The following WARS1 variants were observed in gnomAD, a reference collection of about 807,000 sequenced individuals.
WARS1 encodes the protein tryptophanyl-tRNA synthetase 1.
In WARS1, 17 loss-of-function variants were observed where a neutral mutation model predicts 47.8. The ratio of observed to expected loss-of-function variants is 0.36; its 90% confidence interval spans 0.24 to 0.53. The LOEUF (loss-of-function observed/expected upper bound fraction) is 0.53, where lower values mean the gene tolerates loss of function less well. Among genes scored for constraint, WARS1 ranks in the 20% least tolerant of loss-of-function variants. The pLI, the probability that WARS1 is intolerant of heterozygous loss-of-function variation, is 0.91. For missense variants in WARS1, 434 were observed against 608.0 expected, an observed-to-expected ratio of 0.71 and a Z score of 3.01; for synonymous variants, 208 against 228.1, an observed-to-expected ratio of 0.91 and a Z score of 0.79.
At chr14:100,360,376 T>C (rs1895584217) in intron 4 of WARS1, 178 bp downstream of exon 4, 1 of 426,634 alleles carries the variant, frequency 2.3e-6, no homozygotes, top group Admixed American at 4.1e-5. Flanking sequence ...CTGAGGGTGA[T>C]GGACAAGCAT....
chr14:100,353,488 C>T (rs1038165044), intron 6 of WARS1, among the ~76,000 whole-genome samples, 199 bp downstream of exon 6: 6 of 152,080 alleles, frequency 3.9e-5, no homozygotes, highest in Admixed American at 3.9e-4. Context: ...GACCTCGTGA[C>T]CCGCCCACCT....
At chr14:100,369,908 CTCACTTCAGCCTCCCGAAAG>C (rs3838956) in intron 1 of WARS1, among the ~76,000 whole-genome samples, 104,550 of 151,620 alleles carry the variant, frequency 0.69, 37,230 homozygotes, top group Admixed American at 0.81. Flanking sequence ...AGGTGATCCT[CTCACTTCAGCCTCCCGAAAG>C]TGTTGGGATT....
At chr14:100,370,658 T>TAA (rs1250826523) in intron 1 of WARS1, 159 of 152,274 alleles carry the variant, frequency 1.0e-3, no homozygotes, top group African/African-American at 3.6e-3. Context: ...GAAATAGATT[T>TAA]GTAATCTCCA....
intron 10 of WARS1, among the ~76,000 whole-genome samples, chr14:100,335,981 G>T (rs1266753578): frequency 2.0e-5 from 3 of 150,704 alleles, no homozygotes; most frequent in Non-Finnish European, 2.9e-5. Context: ...TTTTTTAAAA[G>T]AAATGAGGGT....
chr14:100,340,960 G>T (rs1894125207), intron 9 of WARS1, among the ~76,000 whole-genome samples: 1 of 150,374 alleles, frequency 6.7e-6, no homozygotes, highest in Non-Finnish European at 1.5e-5. Flanking sequence ...TGTTGCCCAG[G>T]CTGGAGAACA....
intron 9 of WARS1, chr14:100,339,717 G>A (rs1408395500): frequency 1.3e-5 from 2 of 152,078 alleles, no homozygotes; most frequent in African/African-American, 4.8e-5. Context: ...GCCTGATAGA[G>A]TCACTGCTAT....
chr14:100,353,830 C>G lies in WARS1; in HGVS notation c.582G>C (p.Gln194His). Residue 194 changes from glutamine (Q) to histidine (H), a missense_variant, in exon 6 of 11, where the codon CAG becomes CAC. Physicochemically the swap from Gln to His is conservative, Grantham distance 24. This residue lies in a region of WARS1 where 347 missense variants were observed against 523.8 expected (regional missense o/e 0.66). Transcript: ENST00000392882. ...QDVFNVPLVI[Q>H]MTDDEKYLWK... Reference sequence around the variant, plus strand: ...ACAGATACTTCTCGTCATCCGTCATCTGGATGACCAAGGGCACGTTAAATA... The same window carrying G: ...ACAGATACTTCTCGTCATCCGTCATGTGGATGACCAAGGGCACGTTAAATA... 6.2e-7 allele frequency: 1 copy of G among 1,614,162 alleles called. No individual in the cohort carries two copies. Among genetic ancestry groups the G allele is most frequent in the Non-Finnish European group, 8.5e-7 (1 of 1,180,020 alleles).
chr14:100,344,611 C>T (rs1008785103), intron 7 of WARS1, among the ~76,000 whole-genome samples: 33 of 149,972 alleles, frequency 2.2e-4, no homozygotes, highest in African/African-American at 7.1e-4. Context: ...CGTCTCTGCC[C>T]GGCCGCCATC....
At chr14:100,359,779 G>A (rs1000553719) in intron 4 of WARS1, among the ~76,000 whole-genome samples, 2 of 152,202 alleles carry the variant, frequency 1.3e-5, no homozygotes, top group Non-Finnish European at 2.9e-5. Flanking sequence ...AAAAAAATAA[G>A]TTTTATAGTA....
chr14:100,341,095 A>G (rs1275167777), intron 9 of WARS1, among the ~76,000 whole-genome samples: 1 of 151,774 alleles, frequency 6.6e-6, no homozygotes, highest in Non-Finnish European at 1.5e-5. Context: ...TTGTATTTTT[A>G]GTAGAGACAG....
chr14:100,354,638 A>G, intron 4 of WARS1, 72 bp from the exon 5 acceptor site: 1 of 1,517,768 alleles, frequency 6.6e-7, no homozygotes, highest in Non-Finnish European at 8.9e-7. Flanking sequence ...GCACTTTTGG[A>G]AATGGAAAAT....
intron 2 of WARS1, chr14:100,366,197 C>G: frequency 6.9e-6 from 3 of 435,570 alleles, no homozygotes; most frequent in South Asian, 4.9e-5. Flanking sequence ...CACAGCCCAG[C>G]CCTTCTCTCC....
chr14:100,337,116 G>C lies in WARS1; in HGVS notation c.1200C>G (p.Phe400Leu). The stretch of plus-strand genomic sequence containing the variant: ...CCTCGAGGAAGAAGGTCAGGTACAT[G>C]AAAGACACGTCCACATCACAGTTGC... Reference protein sequence around the residue: ...FGGNCDVDVSFMYLTFFLEDD... With the variant: ...FGGNCDVDVSLMYLTFFLEDD... Residue 400 changes from phenylalanine (F) to leucine (L), a missense_variant, in exon 10 of 11, where the codon TTC becomes TTG. Around this residue, in one of 2 missense-constraint regions of WARS1, gnomAD observed 347 missense variants for 523.8 expected, o/e 0.66. Transcript: ENST00000392882. 1 of 1,614,196 alleles carries C rather than the reference G, an allele frequency of 6.2e-7. No homozygotes were observed. The highest frequency in any genetic ancestry group is 8.5e-7 in the Non-Finnish European group (1 of 1,180,024).
At chr14:100,356,018 G>A (rs1054454933) in intron 4 of WARS1, among the ~76,000 whole-genome samples, 3 of 152,238 alleles carry the variant, frequency 2.0e-5, no homozygotes, top group East Asian at 1.9e-4. Flanking sequence ...CCTGACAAGC[G>A]TGCAGAAATT....
rs150265853 is a variant in WARS1 at position 100,369,466 on chromosome 14, T to C, written c.-73-208A>G. Among the ~76,000 whole-genome samples the C allele has an allele frequency of 6.1e-3, 926 of 151,876 alleles. 6 individuals are homozygous for C. The highest frequency in any genetic ancestry group is 0.01 in the Middle Eastern group (3 of 294). On this transcript the variant is annotated intron_variant, in intron 1 of 10. Coordinates refer to ENST00000392882, the MANE Select transcript of WARS1 (RefSeq NM_004184.4). ...ACCATCAAATGCCAGTGATGAAGAC[T>C]AAAGGAGTGGCTAGGATTTACTGAC...
At chr14:100,367,256 G>T (rs953372374) in intron 2 of WARS1, among the ~76,000 whole-genome samples, 6 of 151,972 alleles carry the variant, frequency 3.9e-5, no homozygotes, top group Non-Finnish European at 8.8e-5. Flanking sequence ...AGAGATCAAA[G>T]AAATCATGAT....
At chr14:100,335,597 C>T (rs1354203941) in intron 10 of WARS1, among the ~76,000 whole-genome samples, 2 of 152,080 alleles carry the variant, frequency 1.3e-5, no homozygotes, top group East Asian at 1.9e-4. Flanking sequence ...AGGCTGGTCT[C>T]GATCTCCTGA....
intron 9 of WARS1, chr14:100,340,492 T>G (rs1053075765): frequency 6.6e-6 from 1 of 152,092 alleles, no homozygotes; most frequent in Non-Finnish European, 1.5e-5. Context: ...TTTGATTTTT[T>G]TAATTTGAGA....
intron 6 of WARS1, chr14:100,352,869 T>C (rs1028574375): frequency 3.3e-5 from 5 of 152,246 alleles, no homozygotes; most frequent in Non-Finnish European, 5.9e-5. Context: ...TCATTTGGGA[T>C]GAAACTTGAA....
Sources: allele counts gnomAD v4.1 joint callset (sites outside exome capture counted in the v4.1 genomes callset), GRCh38; gene constraint gnomAD v4.1.1; regional missense constraint gnomAD v4.1.1; transcripts MANE v1.5; gene names NCBI Gene and HGNC (gene_info 2026-07-23, HGNC 2026-07-21).